Variants in FBXL17 observed in about 807,000 individuals in gnomAD.
The protein encoded by FBXL17 is F-box and leucine rich repeat protein 17, also known as F-box/LRR-repeat protein 17.
A neutral mutation model predicts 66.2 loss-of-function variants in FBXL17; 22 were observed. The observed-to-expected ratio is 0.33, with a 90% CI of 0.24 to 0.47. The LOEUF is 0.47. Ranked by LOEUF, FBXL17 falls within the 20% of genes least tolerant of loss-of-function variation. The pLI is 1.00. For missense variants in FBXL17, 878 were observed against 948.2 expected, an observed-to-expected ratio of 0.93 and a Z score of 0.97; for synonymous variants, 474 against 400.5, an observed-to-expected ratio of 1.18 and a Z score of -2.19.
At chr5:107,938,424 C>A (rs557773156) in intron 7 of FBXL17, among the ~76,000 whole-genome samples, 1 of 152,182 alleles carries the variant, frequency 6.6e-6, no homozygotes, top group East Asian at 1.9e-4. Flanking sequence ...TTTCTATGAA[C>A]CTAGGGTGAA....
chr5:108,058,293 A>G (rs1169060490), intron 6 of FBXL17, among the ~76,000 whole-genome samples: 2 of 152,218 alleles, frequency 1.3e-5, no homozygotes, highest in Admixed American at 1.3e-4. Flanking sequence ...GGTAAATGTG[A>G]TTGCAAAGTT....
rs192245716 is a variant in FBXL17 at position 108,329,295 on chromosome 5, C to T, written c.1506+19104G>A. The stretch of plus-strand genomic sequence containing the variant: ...TGAATACTTTGCCTTAGATGGACTA[C>T]CATTTGTTTCTTGGTTTCTTAGATG... On this transcript the variant is annotated intron_variant, in intron 4 of 8. Coordinates refer to ENST00000542267, the MANE Select transcript of FBXL17 (RefSeq NM_001163315.3). Among the ~76,000 whole-genome samples the T allele has an allele frequency of 5.9e-5, 9 of 152,132 alleles. No individual in the cohort carries two copies. The East Asian group carries it at 1.4e-3, about 23-fold the overall frequency.
At chr5:107,865,407 GTTAAT>G (rs34616165) in intron 8 of FBXL17, among the ~76,000 whole-genome samples, 65,162 of 151,440 alleles carry the variant, frequency 0.43, 15,376 homozygotes, top group African/African-American at 0.62. Context: ...TCATGGTAGG[GTTAAT>G]TTATTTTGCC....
At chr5:108,152,049 G>C (rs113824788) in intron 6 of FBXL17, among the ~76,000 whole-genome samples, 1 of 152,066 alleles carries the variant, frequency 6.6e-6, no homozygotes, top group Admixed American at 6.6e-5. Flanking sequence ...ATTTTGAATC[G>C]CTGGTGAACC....
chr5:108,232,958 G>T (rs1311350876), intron 4 of FBXL17, among the ~76,000 whole-genome samples: 1 of 150,966 alleles, frequency 6.6e-6, no homozygotes, highest in Non-Finnish European at 1.5e-5. Flanking sequence ...CCAATTTGGG[G>T]CTTTGACAAA....
At chr5:107,877,524 C>T (rs1340967962) in intron 8 of FBXL17, among the ~76,000 whole-genome samples, 3 of 152,080 alleles carry the variant, frequency 2.0e-5, no homozygotes, top group Non-Finnish European at 4.4e-5. Flanking sequence ...AAAGTATAGC[C>T]TCCAAATTAA....
chr5:108,092,343 G>A (rs1211891422), intron 6 of FBXL17, among the ~76,000 whole-genome samples: 1 of 152,152 alleles, frequency 6.6e-6, no homozygotes, highest in East Asian at 1.9e-4. Flanking sequence ...TCTCACTCCT[G>A]TTGCACAGGT....
chr5:107,963,700 CATA>C (rs1752009150), intron 7 of FBXL17, among the ~76,000 whole-genome samples: 1 of 152,022 alleles, frequency 6.6e-6, no homozygotes, highest in Admixed American at 6.6e-5. Flanking sequence ...TTATTATTAT[CATA>C]ATACCTCCAT....
chr5:107,922,409 A>C (rs1750354267), intron 7 of FBXL17, among the ~76,000 whole-genome samples: 1 of 152,154 alleles, frequency 6.6e-6, no homozygotes, highest in Admixed American at 6.5e-5. Flanking sequence ...AGTCTATGCA[A>C]GGATCTTAAC....
chr5:108,023,757 A>G (rs1754689863), intron 6 of FBXL17, among the ~76,000 whole-genome samples: 1 of 152,184 alleles, frequency 6.6e-6, no homozygotes, highest in African/African-American at 2.4e-5. Context: ...CTCACTGTAT[A>G]GTATGTATGC....
chr5:108,023,459 G>A (rs1203446904), intron 6 of FBXL17, among the ~76,000 whole-genome samples: 1 of 152,052 alleles, frequency 6.6e-6, no homozygotes, highest in Non-Finnish European at 1.5e-5. Flanking sequence ...ACTACAAATT[G>A]GTGGAAATGG....
intron 7 of FBXL17, among the ~76,000 whole-genome samples, chr5:107,933,757 A>T (rs972684632): frequency 2.0e-5 from 3 of 152,132 alleles, no homozygotes; most frequent in Non-Finnish European, 4.4e-5. Context: ...ATTTTTAAAA[A>T]ATCTGTGATT....
At chr5:108,089,201 C>G (rs148301515) in intron 6 of FBXL17, among the ~76,000 whole-genome samples, 1 of 152,198 alleles carries the variant, frequency 6.6e-6, no homozygotes, top group Non-Finnish European at 1.5e-5. Context: ...ACTGCAATGG[C>G]CTTCTAACTG....
intron 7 of FBXL17, among the ~76,000 whole-genome samples, chr5:107,914,554 G>A (rs2112551911): frequency 6.6e-6 from 1 of 152,286 alleles, no homozygotes; most frequent in African/African-American, 2.4e-5. Flanking sequence ...CAACTCTGGG[G>A]TTAGGCCTTG....
At chr5:107,980,401 A>AT (rs76242029) in intron 7 of FBXL17, among the ~76,000 whole-genome samples, 10 of 146,386 alleles carry the variant, frequency 6.8e-5, no homozygotes, top group South Asian at 2.2e-4. Flanking sequence ...TTTACTTAAT[A>AT]TTTTTTTTTT....
chr5:108,223,210 G>T (rs903682918), intron 5 of FBXL17, among the ~76,000 whole-genome samples: 2 of 151,960 alleles, frequency 1.3e-5, no homozygotes, highest in African/African-American at 4.8e-5. Context: ...CTTCTCCTAG[G>T]GAGTAAAGAA....
chr5:107,885,550 A>G (rs1042827546), intron 7 of FBXL17, among the ~76,000 whole-genome samples: 3 of 152,224 alleles, frequency 2.0e-5, no homozygotes, highest in African/African-American at 7.2e-5. Flanking sequence ...ACTATGCTAT[A>G]ACCACACAAC....
chr5:108,106,843 A>C (rs185001847), intron 6 of FBXL17, among the ~76,000 whole-genome samples: 1 of 152,322 alleles, frequency 6.6e-6, no homozygotes, highest in African/African-American at 2.4e-5. Flanking sequence ...TGAATACACT[A>C]AACTGTGAAT....
In FBXL17 at chr5:108,059,695, T is replaced by C. The variant is rs1940169454; in HGVS notation, c.1746-38694A>G. Reference sequence around the variant, plus strand: ...AATTTTGACCACGAAATGTTTGTAGTGAGAATATCAGGCAGGTGTCTGATA... The same window carrying C: ...AATTTTGACCACGAAATGTTTGTAGCGAGAATATCAGGCAGGTGTCTGATA... On this transcript the variant is annotated intron_variant, in intron 6 of 8. Transcript: ENST00000542267. Among the ~76,000 whole-genome samples the C allele has an allele frequency of 4.6e-5, 7 of 152,192 alleles. No individual in the cohort carries two copies. The South Asian group carries it at 1.4e-3, about 31-fold the overall frequency.
Sources: gnomAD v4.1 joint callset for allele counts (sites outside exome capture counted in the v4.1 genomes callset) on GRCh38, gnomAD v4.1.1 for gene constraint, MANE v1.5 for transcripts, NCBI Gene and HGNC (gene_info 2026-07-23, HGNC 2026-07-21) for gene names.